GPC6: variants seen among roughly 807,000 people sequenced by gnomAD.
The protein encoded by GPC6 is glypican 6.
Under a neutral mutation model 55.2 loss-of-function variants are expected in GPC6, and 14 were observed. That is an observed-to-expected ratio of 0.25 (90% CI 0.17 to 0.40). The LOEUF is 0.40. GPC6 is among the 10% of genes least tolerant of loss of function. GPC6 has a pLI of 1.00. For missense variants in GPC6, 641 were observed against 708.5 expected (o/e 0.90, Z 1.08); for synonymous variants, 278 against 259.6 (o/e 1.07, Z -0.68).
At chr13:93,938,135 A>G (rs1594603366) in intron 3 of GPC6, among the ~76,000 whole-genome samples, 3 of 152,292 alleles carry the variant, frequency 2.0e-5, no homozygotes, top group Admixed American at 2.0e-4. Context: ...ATGCTGATGA[A>G]TACTGTAATA....
intron 2 of GPC6, among the ~76,000 whole-genome samples, chr13:93,617,790 C>T (rs1270265798): frequency 6.6e-6 from 1 of 152,002 alleles, no homozygotes; most frequent in African/African-American, 2.4e-5. Flanking sequence ...TACTCTATAA[C>T]CTATTTGCTC....
chr13:93,601,665 G>A (rs1424688978), intron 2 of GPC6, among the ~76,000 whole-genome samples: 8 of 152,274 alleles, frequency 5.3e-5, no homozygotes, highest in African/African-American at 1.4e-4. Context: ...TTATTAAACT[G>A]TGTTTCATTG....
At chr13:93,545,485 C>A in intron 2 of GPC6, 64 bp downstream of exon 2, 1 of 1,330,598 alleles carries the variant, frequency 7.5e-7, no homozygotes, top group Non-Finnish European at 1.1e-6. Context: ...ATCTTGGTAT[C>A]ATATGAAAAA....
intron 6 of GPC6, among the ~76,000 whole-genome samples, chr13:94,368,063 C>T (rs926052691): frequency 2.0e-5 from 3 of 150,592 alleles, no homozygotes; most frequent in East Asian, 3.9e-4. Flanking sequence ...GCAGGAGAAT[C>T]GCTTGAACCC....
Position 93,830,493 on chromosome 13 carries a change from C to T in GPC6, c.659C>T (p.Thr220Ile). Residue 220 changes from threonine (T) to isoleucine (I), a missense_variant, in exon 3 of 9, where the codon ACC becomes ATC. Physicochemically the swap from Thr to Ile is moderately conservative, Grantham distance 89. Transcript: ENST00000377047. ...QVTRAFIAAR[T>I]FVQGLTVGRE... Reference sequence around the variant, plus strand: ...ACCCGCGCCTTCATTGCTGCCAGGACCTTTGTCCAGGGGCTGACTGTGGGC... The same window carrying T: ...ACCCGCGCCTTCATTGCTGCCAGGATCTTTGTCCAGGGGCTGACTGTGGGC... 6.2e-7 allele frequency: 1 copy of T among 1,613,674 alleles called. No individual in the cohort carries two copies. Among genetic ancestry groups the T allele is most frequent in the Non-Finnish European group, 8.5e-7 (1 of 1,179,874 alleles).
At chr13:93,217,438 A>G in the GPC6 span, among the ~76,000 whole-genome samples, 1 of 152,216 alleles carries the variant, frequency 6.6e-6, no homozygotes, top group Non-Finnish European at 1.5e-5. Context: ...GAGAATCATG[A>G]TCACTATGTT....
At chr13:94,251,463 G>GAA (rs57853055) in intron 4 of GPC6, among the ~76,000 whole-genome samples, 2,235 of 145,646 alleles carry the variant, frequency 0.015, 49 homozygotes, top group East Asian at 0.044. Context: ...GAACTTAAAG[G>GAA]AAAAAAAAAA....
chr13:94,323,118 A>G (rs1876925829), intron 6 of GPC6, among the ~76,000 whole-genome samples: 1 of 152,134 alleles, frequency 6.6e-6, no homozygotes, highest in Admixed American at 6.5e-5. Flanking sequence ...CACACAGTCT[A>G]GGGATGTGGC....
intron 2 of GPC6, among the ~76,000 whole-genome samples, chr13:93,591,222 G>T (rs967972178): frequency 6.6e-6 from 1 of 150,996 alleles, no homozygotes. Flanking sequence ...CCAGCACTTC[G>T]GGAGGCCGAG....
intron 2 of GPC6, among the ~76,000 whole-genome samples, chr13:93,759,917 G>A (rs909850901): frequency 1.3e-5 from 2 of 151,386 alleles, no homozygotes; most frequent in African/African-American, 2.4e-5. Context: ...ACCGTCAGGT[G>A]TAGAAGGAAA....
intron 3 of GPC6, among the ~76,000 whole-genome samples, chr13:93,839,197 G>T (rs1271652276): frequency 6.6e-6 from 1 of 152,060 alleles, no homozygotes; most frequent in Non-Finnish European, 1.5e-5. Context: ...TTAATTGGTT[G>T]GGAAGTTAAC....
At chr13:93,446,426 G>A (rs1158314199) in intron 1 of GPC6, among the ~76,000 whole-genome samples, 4 of 152,066 alleles carry the variant, frequency 2.6e-5, no homozygotes, top group African/African-American at 9.7e-5. Context: ...AAATTATTTT[G>A]CAGTGATTCT....
At chr13:93,346,869 C>A (rs1346103793) in intron 1 of GPC6, among the ~76,000 whole-genome samples, 1 of 152,054 alleles carries the variant, frequency 6.6e-6, no homozygotes, top group Non-Finnish European at 1.5e-5. Context: ...CATATAATTT[C>A]TAAATAAAAA....
intron 2 of GPC6, among the ~76,000 whole-genome samples, chr13:93,587,463 AT>A (rs1877258689): frequency 6.6e-6 from 1 of 152,122 alleles, no homozygotes; most frequent in Non-Finnish European, 1.5e-5. Flanking sequence ...ATAGTTTCAT[AT>A]TTTTGGTGGG....
chr13:94,392,395 A>T (rs1880685839), intron 7 of GPC6, among the ~76,000 whole-genome samples: 1 of 148,982 alleles, frequency 6.7e-6, no homozygotes, highest in African/African-American at 2.5e-5. Flanking sequence ...TTGCTGGATC[A>T]TATGGTAATT....
intron 3 of GPC6, among the ~76,000 whole-genome samples, chr13:94,022,266 C>T (rs952027621): frequency 6.6e-6 from 1 of 151,934 alleles, no homozygotes; most frequent in African/African-American, 2.4e-5. Flanking sequence ...CCCTTGTAAC[C>T]GCCATTTTAT....
chr13:93,649,582 G>T (rs544008378), intron 2 of GPC6, among the ~76,000 whole-genome samples: 1 of 152,096 alleles, frequency 6.6e-6, no homozygotes, highest in African/African-American at 2.4e-5. Context: ...GCAAAAAAAT[G>T]GTGAGATCTT....
chr13:94,097,884 C>CA (rs1294568840), intron 4 of GPC6, among the ~76,000 whole-genome samples: 3 of 152,174 alleles, frequency 2.0e-5, no homozygotes, highest in Admixed American at 2.0e-4. Context: ...CTACTACAAC[C>CA]ATTCTATTTG....
chr13:93,801,209 C>T (rs892518135), intron 2 of GPC6, among the ~76,000 whole-genome samples: 6 of 152,184 alleles, frequency 3.9e-5, no homozygotes, highest in African/African-American at 1.4e-4. Context: ...ATATTGTCTC[C>T]AGGCTATCTC....
Sources: gnomAD v4.1 joint callset for allele counts (sites outside exome capture counted in the v4.1 genomes callset) on GRCh38, gnomAD v4.1.1 for gene constraint, MANE v1.5 for transcripts, NCBI Gene and HGNC (gene_info 2026-07-23, HGNC 2026-07-21) for gene names.